The following DYM variants were observed in gnomAD, a reference collection of about 807,000 sequenced individuals.
DYM encodes the protein dyggve-Melchior-Clausen syndrome protein.
DYM carries 78 observed loss-of-function variants against 93.1 expected under a neutral mutation model. The ratio of observed to expected loss-of-function variants is 0.84; its 90% confidence interval spans 0.70 to 1.01. DYM has a LOEUF of 1.01. Ranked by LOEUF, DYM falls within the 50% of genes least tolerant of loss-of-function variation. DYM has a pLI of 0.00. For missense variants in DYM, 789 were observed against 845.0 expected (o/e 0.93, Z 0.82); for synonymous variants, 321 against 319.7 (o/e 1.00, Z -0.04).
At chr18:49,436,630 T>C (rs1156669600) in intron 1 of DYM, among the ~76,000 whole-genome samples, 1 of 152,210 alleles carries the variant, frequency 6.6e-6, no homozygotes, top group Non-Finnish European at 1.5e-5. Flanking sequence ...AGGGGACTCA[T>C]GCTAATTAGC....
chr18:49,308,583 G>C (rs2061405916), intron 8 of DYM, among the ~76,000 whole-genome samples: 1 of 152,146 alleles, frequency 6.6e-6, no homozygotes, highest in South Asian at 2.1e-4. Context: ...GCTATTTCAT[G>C]TCTGTTGCTT....
At chr18:49,372,724 G>A (rs2067161529) in intron 5 of DYM, among the ~76,000 whole-genome samples, 1 of 151,730 alleles carries the variant, frequency 6.6e-6, no homozygotes, top group African/African-American at 2.4e-5. Flanking sequence ...CAGCCCAGGT[G>A]ACAGGGCAAG....
chr18:49,328,310 G>T (rs1038163292), intron 8 of DYM, among the ~76,000 whole-genome samples: 9 of 152,162 alleles, frequency 5.9e-5, no homozygotes, highest in Non-Finnish European at 1.2e-4. Context: ...ATCTAGCCAG[G>T]AGAGCAAAGG....
chr18:49,233,356 CA>C (rs33916448), intron 13 of DYM, among the ~76,000 whole-genome samples: 34,041 of 101,816 alleles, frequency 0.33, 4,245 homozygotes, highest in African/African-American at 0.47. Flanking sequence ...AAGATTCCAT[CA>C]AAAAAAAAAA....
chr18:49,240,944 A>G (rs887060969), intron 13 of DYM, among the ~76,000 whole-genome samples: 13 of 152,238 alleles, frequency 8.5e-5, no homozygotes, highest in African/African-American at 3.1e-4. Flanking sequence ...TTTTTATTTT[A>G]CCACAAATGT....
chr18:49,359,983 C>T (rs1186067298), intron 6 of DYM: 1 of 152,096 alleles, frequency 6.6e-6, no homozygotes, highest in African/African-American at 2.4e-5. Flanking sequence ...GATGGAGTTC[C>T]AAGAACATTA....
Position 49,230,614 on chromosome 18 carries a change from A to G in DYM, c.1461-20899T>C, listed in dbSNP as rs190907450. 5.3e-5 allele frequency among the ~76,000 whole-genome samples: 8 copies of G among 152,300 alleles called. No homozygotes were observed. The East Asian group carries it at 1.5e-3, about 29-fold the overall frequency. On this transcript the variant is annotated intron_variant, in intron 13 of 17. Transcript: ENST00000675505. Reference sequence around the variant, plus strand: ...TACAGCAATGGTTCATTCCACATCAATCTGTATATTGGCCCCAAACAAACA... The same window carrying G: ...TACAGCAATGGTTCATTCCACATCAGTCTGTATATTGGCCCCAAACAAACA...
intron 15 of DYM, among the ~76,000 whole-genome samples, chr18:49,143,594 T>A (rs1355893208): frequency 6.6e-6 from 1 of 152,160 alleles, no homozygotes; most frequent in African/African-American, 2.4e-5. Context: ...CAAGGTCACA[T>A]AAAGGTTAAA....
rs2070898347 is a variant in DYM, at chr18:49,041,119, A to C, written c.*2936T>G. Among the ~76,000 whole-genome samples the C allele has an allele frequency of 6.6e-6, 1 of 152,120 alleles. No individual in the cohort carries two copies. Among genetic ancestry groups the C allele is most frequent in the South Asian group, 2.1e-4 (1 of 4,832 alleles). On this transcript the variant is annotated 3_prime_UTR_variant, in exon 18 of 18. Coordinates refer to ENST00000675505, the MANE Select transcript of DYM (RefSeq NM_001353214.3). Reference sequence around the variant, plus strand: ...TTTGTCCTTGAGCTGTGTTGTCTGCACTGCTGAATGGTGGCAGTCCTGCTG... The same window carrying C: ...TTTGTCCTTGAGCTGTGTTGTCTGCCCTGCTGAATGGTGGCAGTCCTGCTG...
At chr18:49,268,408 A>T (rs952432817) in intron 11 of DYM, among the ~76,000 whole-genome samples, 8 of 152,326 alleles carry the variant, frequency 5.3e-5, no homozygotes, top group African/African-American at 1.9e-4. Flanking sequence ...ACTGAACTCA[A>T]TGTGAACTGA....
rs1474364195 is a variant in DYM at position 49,109,940 on chromosome 18, C to A, written c.1911+8804G>T. Among the ~76,000 whole-genome samples, 48 of 152,218 alleles carry A rather than the reference C, an allele frequency of 3.2e-4. 1 individual carries two copies. The highest frequency in any genetic ancestry group is 1.2e-4 in the Non-Finnish European group (8 of 68,034). The stretch of plus-strand genomic sequence containing the variant: ...TTCCCTCTCATCCTTTGTGCTACTG[C>A]TGACACACATCTTACTTTTATATGT... On this transcript the variant is annotated intron_variant, in intron 16 of 17. Coordinates refer to ENST00000675505, the MANE Select transcript of DYM (RefSeq NM_001353214.3).
At chr18:49,408,273 G>A (rs887368729) in intron 2 of DYM, among the ~76,000 whole-genome samples, 3 of 152,148 alleles carry the variant, frequency 2.0e-5, no homozygotes, top group Admixed American at 6.5e-5. Flanking sequence ...ACGGCTATAT[G>A]TTGTTCCAGT....
intron 13 of DYM, among the ~76,000 whole-genome samples, chr18:49,250,235 G>A (rs2094256567): frequency 6.6e-6 from 1 of 152,184 alleles, no homozygotes; most frequent in African/African-American, 2.4e-5. Context: ...TCTCTGTAAA[G>A]TAATGCAAAG....
chr18:49,316,726 C>G (rs577565311), intron 8 of DYM, among the ~76,000 whole-genome samples: 1 of 152,226 alleles, frequency 6.6e-6, no homozygotes, highest in South Asian at 2.1e-4. Context: ...TCTCCTCCCC[C>G]TGAACCCCTG....
intron 11 of DYM, among the ~76,000 whole-genome samples, chr18:49,262,793 T>C (rs1288850508): frequency 6.6e-6 from 1 of 152,192 alleles, no homozygotes; most frequent in Non-Finnish European, 1.5e-5. Flanking sequence ...TATCCAAGTC[T>C]ACTTCATTCC....
chr18:49,263,457 G>A (rs1485136041), intron 11 of DYM, among the ~76,000 whole-genome samples: 2 of 151,154 alleles, frequency 1.3e-5, no homozygotes, highest in African/African-American at 2.4e-5. Context: ...TAGGCTGGGC[G>A]TGGTGGCTCA....
intron 6 of DYM, among the ~76,000 whole-genome samples, chr18:49,353,070 AG>A (rs2147195685): frequency 6.6e-6 from 1 of 152,270 alleles, no homozygotes; most frequent in African/African-American, 2.4e-5. Flanking sequence ...AGGTCTTCAT[AG>A]AGTAGTTTCA....
intron 5 of DYM, among the ~76,000 whole-genome samples, chr18:49,376,249 C>A (rs2067499002): frequency 6.6e-6 from 1 of 152,180 alleles, no homozygotes; most frequent in African/African-American, 2.4e-5. Context: ...CTGCAACCAG[C>A]CAACTATGTC....
chr18:49,102,228 G>A (rs150009028), intron 16 of DYM, among the ~76,000 whole-genome samples: 1,666 of 152,266 alleles, frequency 0.011, 17 homozygotes, highest in Non-Finnish European at 0.017. Flanking sequence ...AGCACTTTGC[G>A]CTGTGCAGAC....
Sources: gnomAD v4.1 joint callset for allele counts (sites outside exome capture counted in the v4.1 genomes callset) on GRCh38, gnomAD v4.1.1 for gene constraint, MANE v1.5 for transcripts, NCBI Gene and HGNC (gene_info 2026-07-23, HGNC 2026-07-21) for gene names.